NFATC3: variants seen among roughly 807,000 people sequenced by gnomAD.
The protein encoded by NFATC3 is nuclear factor of activated T cells 3, also known as nuclear factor of activated T-cells, cytoplasmic 3.
A neutral mutation model predicts 98.6 loss-of-function variants in NFATC3; 46 were observed. The ratio of observed to expected loss-of-function variants is 0.47; its 90% CI spans 0.37 to 0.60. The LOEUF is 0.60. Among genes scored for constraint, NFATC3 ranks in the 20% least tolerant of loss-of-function variants. The probability of loss-of-function intolerance (pLI) is 0.00; values close to 1 mark genes in which losing one functional copy is unlikely to be tolerated. For synonymous variants in NFATC3, 512 were observed against 472.2 expected (o/e 1.08, Z -1.09); for missense variants, 1,256 against 1,295.5 (o/e 0.97, Z 0.47).
At chr16:68,186,710 TTCA>T (rs905448430) in intron 8 of NFATC3, among the ~76,000 whole-genome samples, 1 of 152,248 alleles carries the variant, frequency 6.6e-6, no homozygotes, top group East Asian at 1.9e-4. Context: ...ACTTTAATTT[TTCA>T]TCATCAACAG....
chr16:68,133,466 A>T (rs1457853369), intron 3 of NFATC3, among the ~76,000 whole-genome samples: 1 of 152,218 alleles, frequency 6.6e-6, no homozygotes, highest in East Asian at 1.9e-4. Flanking sequence ...AATAAAGTAT[A>T]CAAACCTTAA....
At chr16:68,177,715 T>A (rs1030367656) in intron 6 of NFATC3, among the ~76,000 whole-genome samples, 1 of 152,170 alleles carries the variant, frequency 6.6e-6, no homozygotes, top group Non-Finnish European at 1.5e-5. Context: ...CTCTATCTTT[T>A]TCTACTGGAT....
intron 9 of NFATC3, among the ~76,000 whole-genome samples, chr16:68,217,058 C>A (rs1207943884): frequency 6.6e-6 from 1 of 151,936 alleles, no homozygotes; most frequent in African/African-American, 2.4e-5. Flanking sequence ...AGGAAGCTGT[C>A]TGGAATTCAG....
At chr16:68,219,900 G>C (rs1042443352) in intron 9 of NFATC3, among the ~76,000 whole-genome samples, 15 of 152,168 alleles carry the variant, frequency 9.9e-5, no homozygotes, top group Non-Finnish European at 1.6e-4. Flanking sequence ...TTCTAACTTT[G>C]AATTCTTAAG....
rs2042043343 is a variant in NFATC3 at position 68,226,700 on chromosome 16, A to G, written c.*229A>G. On this transcript the variant is annotated 3_prime_UTR_variant, in exon 10 of 10. Transcript: ENST00000346183. ...GAAATGAACTTTGCTTTTTATATTT[A>G]ACTAGGATACTTTTATATGATGGGT... is the stretch of plus-strand genomic sequence containing the variant. 1 of 374,884 alleles carries G rather than the reference A, an allele frequency of 2.7e-6. No individual in the cohort carries two copies. Among genetic ancestry groups the G allele is most frequent in the African/African-American group, 2.1e-5 (1 of 47,712 alleles). 23.2% of individuals were successfully genotyped at this position (374,884 alleles called of 1,614,324 possible).
intron 1 of NFATC3, among the ~76,000 whole-genome samples, chr16:68,091,335 C>T (rs1204472716): frequency 2.6e-5 from 4 of 152,104 alleles, no homozygotes; most frequent in Non-Finnish European, 1.5e-5. Flanking sequence ...AATGACTTGC[C>T]TTTCTTTGGC....
At chr16:68,116,830 G>T (rs2036303698) in intron 1 of NFATC3, among the ~76,000 whole-genome samples, 1 of 151,598 alleles carries the variant, frequency 6.6e-6, no homozygotes, top group African/African-American at 2.4e-5. Flanking sequence ...CAAAGGGTTG[G>T]GATTTAATTA....
At chr16:68,112,244 A>G (rs1313384778) in intron 1 of NFATC3, among the ~76,000 whole-genome samples, 1 of 142,690 alleles carries the variant, frequency 7.0e-6, no homozygotes, top group South Asian at 2.3e-4. Flanking sequence ...CGTCTCTTTC[A>G]GGTACCCCAG....
intron 3 of NFATC3, among the ~76,000 whole-genome samples, chr16:68,149,742 T>C (rs1328255594): frequency 6.6e-6 from 1 of 152,220 alleles, no homozygotes; most frequent in African/African-American, 2.4e-5. Flanking sequence ...ACCATATTTA[T>C]AACTTGTAAG....
chr16:68,085,717 C>A lies in NFATC3; in HGVS notation c.36C>A (p.Leu12=). 6.6e-7 allele frequency: 1 copy of A among 1,514,770 alleles called. No homozygotes were observed. Among genetic ancestry groups the A allele is most frequent in the East Asian group, 2.8e-5 (1 of 36,086 alleles). 93.8% of individuals were successfully genotyped at this position (1,514,770 alleles called of 1,614,324 possible). A position where few individuals can be genotyped will look rare whatever the true frequency, so the allele number is the denominator to read the frequency against. The change falls in exon 1 of 10, where the codon CTC becomes CTA. Residue 12 remains leucine, a synonymous_variant. Coordinates refer to ENST00000346183, the MANE Select transcript of NFATC3 (RefSeq NM_173165.3). ...TTANCGAHDE[L]DFKLVFGEDG... ...CAAACTGTGGCGCCCACGACGAGCTCGACTTCAAACTCGTCTTTGGCGAGG... is the reference window on the plus strand; with the variant it reads ...CAAACTGTGGCGCCCACGACGAGCTAGACTTCAAACTCGTCTTTGGCGAGG...
intron 1 of NFATC3, among the ~76,000 whole-genome samples, chr16:68,115,254 A>G (rs1451074499): frequency 6.6e-6 from 1 of 150,988 alleles, no homozygotes; most frequent in African/African-American, 2.4e-5. Flanking sequence ...AGTAGAGATG[A>G]GGTTTTGCCA....
chr16:68,125,551 C>T (rs567222843), intron 2 of NFATC3, among the ~76,000 whole-genome samples: 16 of 151,962 alleles, frequency 1.1e-4, no homozygotes, highest in African/African-American at 3.9e-4. Flanking sequence ...CAGGGAAAGG[C>T]GCAGTAGGAA....
chr16:68,185,826 G>A (rs1056994282), intron 8 of NFATC3, among the ~76,000 whole-genome samples: 1 of 134,898 alleles, frequency 7.4e-6, no homozygotes, highest in Non-Finnish European at 1.5e-5. Flanking sequence ...TCGCACCACC[G>A]CACTCCAGCC....
chr16:68,153,073 C>T (rs1350244521), intron 3 of NFATC3, among the ~76,000 whole-genome samples: 1 of 152,198 alleles, frequency 6.6e-6, no homozygotes, highest in Non-Finnish European at 1.5e-5. Flanking sequence ...TCTTTTGAGG[C>T]ACAGTGGACT....
chr16:68,207,990 T>A (rs1273140570), intron 9 of NFATC3, among the ~76,000 whole-genome samples: 1 of 152,200 alleles, frequency 6.6e-6, no homozygotes, highest in Non-Finnish European at 1.5e-5. Context: ...TTCATGTGCC[T>A]GTTGTCCATT....
intron 1 of NFATC3, chr16:68,086,053 G>C (rs534722242): frequency 5.2e-6 from 2 of 385,042 alleles, no homozygotes; most frequent in East Asian, 4.3e-5. Context: ...CCCAGGGTCC[G>C]GGCTGCTGCC....
chr16:68,113,772 A>C (rs1470492830), intron 1 of NFATC3, among the ~76,000 whole-genome samples: 2 of 152,204 alleles, frequency 1.3e-5, no homozygotes, highest in Admixed American at 6.5e-5. Context: ...TCCTGGCTAG[A>C]GTTACTGCAG....
chr16:68,152,893 A>G (rs909118755), intron 3 of NFATC3, among the ~76,000 whole-genome samples: 4 of 152,110 alleles, frequency 2.6e-5, no homozygotes, highest in Non-Finnish European at 4.4e-5. Flanking sequence ...CATAAGTGGC[A>G]CTCTCATCAC....
chr16:68,105,814 A>G (rs1567499602), intron 1 of NFATC3, among the ~76,000 whole-genome samples: 1 of 152,062 alleles, frequency 6.6e-6, no homozygotes, highest in African/African-American at 2.4e-5. Context: ...TAATCTCTGT[A>G]TATCTAGGAG....
Sources: allele counts gnomAD v4.1 joint callset (sites outside exome capture counted in the v4.1 genomes callset), GRCh38; gene constraint gnomAD v4.1.1; transcripts MANE v1.5; gene names NCBI Gene and HGNC (gene_info 2026-07-23, HGNC 2026-07-21).